CUX2: variants seen among roughly 807,000 people sequenced by gnomAD.
The protein encoded by CUX2 is cut like homeobox 2, also known as homeobox protein cut-like 2.
CUX2 carries 40 observed loss-of-function variants against 144.8 expected under a neutral mutation model. The ratio of observed to expected loss-of-function variants is 0.28; its 90% confidence interval spans 0.21 to 0.36. CUX2 has a LOEUF of 0.36. Ranked by LOEUF, CUX2 falls within the 10% of genes least tolerant of loss-of-function variation. The pLI, the probability that CUX2 is intolerant of heterozygous loss-of-function variation, is 1.00. For missense variants in CUX2, 1,615 were observed against 1,994.0 expected, an observed-to-expected ratio of 0.81 and a Z score of 3.62; for synonymous variants, 827 against 875.6, an observed-to-expected ratio of 0.94 and a Z score of 0.98.
At chr12:111,302,186 C>T (rs1886324838) in intron 9 of CUX2, among the ~76,000 whole-genome samples, 1 of 152,152 alleles carries the variant, frequency 6.6e-6, no homozygotes, top group Non-Finnish European at 1.5e-5. Context: ...TCCTGATTGT[C>T]CAGGTCATTA....
intron 2 of CUX2, among the ~76,000 whole-genome samples, chr12:111,215,894 A>G (rs533087997): frequency 1.4e-4 from 21 of 152,362 alleles, no homozygotes; most frequent in Middle Eastern, 6.8e-3. Context: ...TTCAGCTTAC[A>G]TAATTTTAAT....
intron 16 of CUX2, among the ~76,000 whole-genome samples, chr12:111,314,042 G>T (rs1013060831): frequency 6.6e-6 from 1 of 152,144 alleles, no homozygotes; most frequent in Non-Finnish European, 1.5e-5. Context: ...CTCCTGCCTG[G>T]TCCCCGGGAG....
At chr12:111,313,770 C>T (rs1357632842) in intron 16 of CUX2, among the ~76,000 whole-genome samples, 1 of 152,174 alleles carries the variant, frequency 6.6e-6, no homozygotes, top group Admixed American at 6.5e-5. Context: ...TATTACCTCC[C>T]TGTTGCAGTT....
rs954472479 is a variant in CUX2 at position 111,314,639 on chromosome 12, TAAAAAA to T, written c.2002+2462_2002+2467del. 3.0e-4 allele frequency among the ~76,000 whole-genome samples: 7 copies of T among 23,238 alleles called. No individual in the cohort carries two copies. In the East Asian group the frequency reaches 7.3e-3, roughly 24 times the overall value. 15.2% of individuals were successfully genotyped at this position (23,238 alleles called of 152,430 possible). On this transcript the variant is annotated intron_variant, in intron 16 of 21. Coordinates refer to ENST00000261726, the MANE Select transcript of CUX2 (RefSeq NM_015267.4). ...TGCGCAACAAGAGCAAAACTCAGTC[TAAAAAA>T]AAAAAAAAAAAAAAAAAAAAAAACC...
intron 1 of CUX2, among the ~76,000 whole-genome samples, chr12:111,105,596 C>T (rs1311830090): frequency 6.6e-6 from 1 of 152,190 alleles, no homozygotes; most frequent in African/African-American, 2.4e-5. Flanking sequence ...TAGATTGCTT[C>T]CTCTCCAGCT....
intron 3 of CUX2, among the ~76,000 whole-genome samples, chr12:111,236,446 C>T (rs758649504): frequency 4.6e-5 from 7 of 152,252 alleles, no homozygotes; most frequent in Admixed American, 3.3e-4. Flanking sequence ...GTGACTGAGG[C>T]GTAAAGACCA....
intron 1 of CUX2, chr12:111,099,825 C>T (rs530914322): frequency 1.2e-5 from 5 of 417,308 alleles, no homozygotes; most frequent in East Asian, 1.4e-4. Flanking sequence ...CCATGCCCAG[C>T]GGGGCCGATG....
intron 1 of CUX2, among the ~76,000 whole-genome samples, chr12:111,177,034 T>C (rs571896964): frequency 1.3e-5 from 2 of 152,310 alleles, no homozygotes; most frequent in South Asian, 2.1e-4. Flanking sequence ...TCTTTAGACA[T>C]AGCCAAATGT....
chr12:111,123,171 C>T (rs191457967), intron 1 of CUX2, among the ~76,000 whole-genome samples: 14 of 152,260 alleles, frequency 9.2e-5, no homozygotes, highest in African/African-American at 3.1e-4. Flanking sequence ...AATGCTTACC[C>T]GGCATATAGT....
intron 1 of CUX2, among the ~76,000 whole-genome samples, chr12:111,195,521 A>G (rs2136200612): frequency 6.6e-6 from 1 of 152,340 alleles, no homozygotes; most frequent in Non-Finnish European, 1.5e-5. Context: ...GGTTCTTGCA[A>G]GCTTCTGCCA....
At chr12:111,296,813 G>C (rs1482013861) in intron 8 of CUX2, among the ~76,000 whole-genome samples, 17 of 26,932 alleles carry the variant, frequency 6.3e-4, no homozygotes, top group Admixed American at 1.5e-3. Flanking sequence ...CCCTCCCAGA[G>C]AGGCCTCCTC....
Position 111,347,597 on chromosome 12 carries a change from G to C in CUX2, c.3733G>C (p.Gly1245Arg), listed in dbSNP as rs199977880. ...AGACCTTGATCCAAGCGGGGGTCCT[G>C]GAATCCTACCGCCAGGCCACTCCCA... ...EPDLDPSGGP[G>R]ILPPGHSHPD... Residue 1245 changes from glycine (G) to arginine (R), a missense_variant, in exon 22 of 22, where the codon GGA (glycine) becomes CGA (arginine). Coordinates refer to ENST00000261726, the MANE Select transcript of CUX2 (RefSeq NM_015267.4). The C allele has an allele frequency of 6.4e-5, 104 of 1,613,630 alleles. No individual in the cohort carries two copies. The highest frequency in any genetic ancestry group is 1.1e-4 in the South Asian group (10 of 91,042).
At chr12:111,242,601 G>A (rs1014842993) in intron 3 of CUX2, among the ~76,000 whole-genome samples, 6 of 152,090 alleles carry the variant, frequency 3.9e-5, no homozygotes, top group Non-Finnish European at 8.8e-5. Flanking sequence ...ATCACCTTAG[G>A]TCAGGAATTC....
intron 1 of CUX2, among the ~76,000 whole-genome samples, chr12:111,076,549 G>A (rs1011495810): frequency 6.6e-6 from 1 of 152,220 alleles, no homozygotes; most frequent in Non-Finnish European, 1.5e-5. Flanking sequence ...GGTCCTCCCA[G>A]CAGCTGCTCC....
chr12:111,264,707 C>T (rs908291296), intron 4 of CUX2, among the ~76,000 whole-genome samples: 7 of 152,160 alleles, frequency 4.6e-5, no homozygotes, highest in Non-Finnish European at 7.3e-5. Context: ...ATCATGCCTG[C>T]ACTCCAGCCT....
At chr12:111,134,620 C>CTCTGTGTGTGTGTGTGTGTGTG (rs1026548098) in intron 1 of CUX2, among the ~76,000 whole-genome samples, 122 of 142,186 alleles carry the variant, frequency 8.6e-4, no homozygotes, top group African/African-American at 2.9e-3. Context: ...CTCTCTCTCT[C>CTCTGTGTGTGTGTGTGTGTGTG]TGTGTGTGTG....
At chr12:111,239,715 T>A (rs1262417432) in intron 3 of CUX2, among the ~76,000 whole-genome samples, 2 of 152,140 alleles carry the variant, frequency 1.3e-5, no homozygotes, top group Non-Finnish European at 2.9e-5. Context: ...TTCTCTTCCA[T>A]CTGTTTGTCT....
intron 1 of CUX2, among the ~76,000 whole-genome samples, chr12:111,041,939 C>G (rs1187168391): frequency 1.3e-5 from 2 of 152,204 alleles, no homozygotes; most frequent in East Asian, 1.9e-4. Context: ...CTGCTTCTTC[C>G]CAGGAGCCCA....
At chr12:111,121,113 A>C (rs1393014866) in intron 1 of CUX2, among the ~76,000 whole-genome samples, 1 of 151,644 alleles carries the variant, frequency 6.6e-6, no homozygotes, top group Non-Finnish European at 1.5e-5. Context: ...AAAAAAAAAA[A>C]AAAAAACAAC....
Sources: gnomAD v4.1 joint callset for allele counts (sites outside exome capture counted in the v4.1 genomes callset) on GRCh38, gnomAD v4.1.1 for gene constraint, MANE v1.5 for transcripts, NCBI Gene and HGNC (gene_info 2026-07-23, HGNC 2026-07-21) for gene names.